The following IL1RAPL1 variants were observed in gnomAD, a reference collection of about 807,000 sequenced individuals.
IL1RAPL1 encodes the protein interleukin-1 receptor accessory protein-like 1.
Under a neutral mutation model 48.4 loss-of-function variants are expected in IL1RAPL1, and 3 were observed. The ratio of observed to expected loss-of-function variants is 0.06; its 90% confidence interval spans 0.03 to 0.16. IL1RAPL1 has a LOEUF of 0.16. IL1RAPL1 is among the 10% of genes least tolerant of loss of function. The pLI is 1.00. For synonymous variants in IL1RAPL1, 185 were observed against 187.7 expected, an observed-to-expected ratio of 0.99 and a Z score of 0.12; for missense variants, 349 against 530.6, an observed-to-expected ratio of 0.66 and a Z score of 3.36.
chrX:29,072,367 A>G (rs890911258), intron 2 of IL1RAPL1, among the ~76,000 whole-genome samples: 1 of 112,164 alleles, frequency 8.9e-6, no homozygotes, highest in Non-Finnish European at 1.9e-5. Context: ...AAAGGACAGT[A>G]TAATATTTTA....
intron 1 of IL1RAPL1, among the ~76,000 whole-genome samples, chrX:28,762,074 C>T (rs1936179900): frequency 1.8e-5 from 2 of 111,606 alleles, no homozygotes; most frequent in Admixed American, 1.9e-4. Flanking sequence ...TAAATAGTAA[C>T]TATCATGATT....
At chrX:29,099,024 C>T (rs186683026) in intron 2 of IL1RAPL1, among the ~76,000 whole-genome samples, 1 of 110,586 alleles carries the variant, frequency 9.0e-6, no homozygotes, top group African/African-American at 3.3e-5. Context: ...TGGTGGTGGG[C>T]GCCTGTAATC....
At chrX:28,943,182 A>G (rs778901006) in intron 2 of IL1RAPL1, among the ~76,000 whole-genome samples, 5 of 106,922 alleles carry the variant, frequency 4.7e-5, no homozygotes, top group Non-Finnish European at 7.8e-5. Context: ...AAGGTTGGTC[A>G]TTAGAGCAGC....
At chrX:28,824,239 G>T in intron 2 of IL1RAPL1, among the ~76,000 whole-genome samples, 1 of 110,301 alleles carries the variant, frequency 9.1e-6, no homozygotes, top group African/African-American at 3.3e-5. Flanking sequence ...GGACCATCTG[G>T]GTACTCCAAA....
In IL1RAPL1 at chrX:29,218,480, A is replaced by G. The variant is rs1259213694; in HGVS notation, c.83-64458A>G. Among the ~76,000 whole-genome samples, 4 of 111,863 alleles carry G rather than the reference A, an allele frequency of 3.6e-5. No individual in the cohort carries two copies. In the East Asian group the frequency reaches 8.3e-4, roughly 23 times the overall value. ...TTTATAGCATCCCAGAGTTATAACTATTTTAGGGTGACAATGCAACTGATG... is the reference window on the plus strand; with the variant it reads ...TTTATAGCATCCCAGAGTTATAACTGTTTTAGGGTGACAATGCAACTGATG... On this transcript the variant is annotated intron_variant, in intron 2 of 10. Transcript: ENST00000378993.
chrX:29,597,149 ATTTTTTT>A (rs35180262), intron 5 of IL1RAPL1, among the ~76,000 whole-genome samples: 1 of 55,969 alleles, frequency 1.8e-5, no homozygotes, highest in Non-Finnish European at 3.3e-5. Flanking sequence ...TTTGTTGAGG[ATTTTTTT>A]TTTTTTTTTT....
intron 9 of IL1RAPL1, among the ~76,000 whole-genome samples, chrX:29,942,105 G>T (rs895308888): frequency 1.8e-5 from 2 of 111,902 alleles, no homozygotes; most frequent in Non-Finnish European, 3.8e-5. Flanking sequence ...TTGTAATCAG[G>T]ACTGAAAGGC....
At chrX:29,835,898 T>TTTTTTTTTTTTTC (rs751809384) in intron 6 of IL1RAPL1, among the ~76,000 whole-genome samples, 2 of 101,625 alleles carry the variant, frequency 2.0e-5, no homozygotes, top group African/African-American at 7.7e-5. Flanking sequence ...TTTTTTTTTT[T>TTTTTTTTTTTTTC]AGTTAGTTAG....
At chrX:29,811,373 G>A in intron 6 of IL1RAPL1, among the ~76,000 whole-genome samples, 1 of 110,635 alleles carries the variant, frequency 9.0e-6, no homozygotes, top group Non-Finnish European at 1.9e-5. Context: ...CAATGTTCGA[G>A]GGCAGGAAGC....
chrX:29,942,233 T>C (rs1304453036), intron 9 of IL1RAPL1, among the ~76,000 whole-genome samples: 1 of 112,407 alleles, frequency 8.9e-6, no homozygotes, highest in African/African-American at 3.2e-5. Context: ...TAAACTGTAC[T>C]GAGTATTTTA....
chrX:29,594,724 ATTTAC>A (rs1262496654), intron 5 of IL1RAPL1, among the ~76,000 whole-genome samples: 1 of 111,007 alleles, frequency 9.0e-6, no homozygotes, highest in Non-Finnish European at 1.9e-5. Context: ...GTATTTATTT[ATTTAC>A]TTTTAATTTA....
intron 2 of IL1RAPL1, among the ~76,000 whole-genome samples, chrX:28,900,276 C>T (rs59338796): frequency 0.019 from 2,178 of 111,880 alleles, 47 homozygotes; most frequent in African/African-American, 0.067. Flanking sequence ...TCTCTTTCCC[C>T]GCCTTCCTAC....
intron 3 of IL1RAPL1, among the ~76,000 whole-genome samples, chrX:29,354,700 A>G (rs1369143762): frequency 1.8e-5 from 2 of 112,280 alleles, no homozygotes; most frequent in Non-Finnish European, 3.8e-5. Flanking sequence ...TGTTTTACCC[A>G]TCCTAAAGTT....
intron 2 of IL1RAPL1, among the ~76,000 whole-genome samples, chrX:28,875,663 G>A (rs1922352935): frequency 9.0e-6 from 1 of 110,762 alleles, no homozygotes; most frequent in Non-Finnish European, 1.9e-5. Context: ...TGGCTTGGTG[G>A]CATCCTCATG....
At chrX:28,927,192 G>A (rs1297855449) in intron 2 of IL1RAPL1, among the ~76,000 whole-genome samples, 1 of 109,787 alleles carries the variant, frequency 9.1e-6, no homozygotes, top group Non-Finnish European at 1.9e-5. Context: ...ACTGTGTCCA[G>A]CCTAAATCTA....
intron 6 of IL1RAPL1, among the ~76,000 whole-genome samples, chrX:29,846,177 G>A (rs900256975): frequency 3.6e-5 from 4 of 111,180 alleles, no homozygotes; most frequent in Admixed American, 1.9e-4. Context: ...TATTAGTATC[G>A]CTGTTACACT....
intron 6 of IL1RAPL1, among the ~76,000 whole-genome samples, chrX:29,741,257 A>G (rs763811213): frequency 8.0e-5 from 9 of 111,970 alleles, no homozygotes; most frequent in Non-Finnish European, 1.7e-4. Flanking sequence ...ATTTCTAGCC[A>G]TAGAGGAGTC....
chrX:28,993,565 G>A (rs777939100), intron 2 of IL1RAPL1, among the ~76,000 whole-genome samples: 17 of 112,582 alleles, frequency 1.5e-4, no homozygotes, highest in Admixed American at 2.8e-4. Context: ...CAGAGCCACT[G>A]GCTTGATGCT....
chrX:28,865,450 AAAAATT>A (rs1336518703), intron 2 of IL1RAPL1, among the ~76,000 whole-genome samples: 9 of 110,163 alleles, frequency 8.2e-5, no homozygotes, highest in Non-Finnish European at 1.7e-4. Flanking sequence ...AAAAAAAAAA[AAAAATT>A]AAGAGTTCAG....
Sources: gnomAD v4.1 joint callset for allele counts (sites outside exome capture counted in the v4.1 genomes callset) on GRCh38, gnomAD v4.1.1 for gene constraint, MANE v1.5 for transcripts, NCBI Gene and HGNC (gene_info 2026-07-23, HGNC 2026-07-21) for gene names.